Variants in DLGAP2 observed in about 807,000 individuals in gnomAD.
The protein encoded by DLGAP2 is disks large-associated protein 2.
Under a neutral mutation model 100.3 loss-of-function variants are expected in DLGAP2, and 26 were observed. The ratio of observed to expected loss-of-function variants is 0.26; its 90% CI spans 0.19 to 0.36. DLGAP2 has a LOEUF of 0.36. Among genes scored for constraint, DLGAP2 ranks in the 10% least tolerant of loss-of-function variants. The pLI, the probability that DLGAP2 is intolerant of heterozygous loss-of-function variation, is 1.00. For synonymous variants in DLGAP2, 886 were observed against 630.1 expected (o/e 1.41, Z -6.08); for missense variants, 1,858 against 1,453.2 (o/e 1.28, Z -4.53).
At chr8:1,165,948 T>G (rs1797006474) in intron 2 of DLGAP2, among the ~76,000 whole-genome samples, 1 of 152,214 alleles carries the variant, frequency 6.6e-6, no homozygotes, top group Admixed American at 6.5e-5. Context: ...CATTATCCAG[T>G]TTCTTGTAGT....
At chr8:1,609,184 C>T (rs1480268103) in intron 6 of DLGAP2, among the ~76,000 whole-genome samples, 3 of 137,342 alleles carry the variant, frequency 2.2e-5, no homozygotes, top group South Asian at 2.5e-4. Flanking sequence ...AGACTAACAG[C>T]GGATCTCTCG....
At chr8:1,443,284 C>T (rs1272453372) in intron 3 of DLGAP2, among the ~76,000 whole-genome samples, 1 of 151,596 alleles carries the variant, frequency 6.6e-6, no homozygotes, top group African/African-American at 2.4e-5. Context: ...TCCAGCCTTC[C>T]CTCCACTGCC....
chr8:1,206,139 G>T (rs979719025), intron 2 of DLGAP2, among the ~76,000 whole-genome samples: 1 of 152,206 alleles, frequency 6.6e-6, no homozygotes, highest in African/African-American at 2.4e-5. Context: ...CTGCTCGGTG[G>T]ATCACAAAGG....
At chr8:1,227,923 A>G (rs1798455048) in intron 2 of DLGAP2, among the ~76,000 whole-genome samples, 1 of 152,200 alleles carries the variant, frequency 6.6e-6, no homozygotes, top group Admixed American at 6.5e-5. Flanking sequence ...ACACACACAA[A>G]ATGGGTAACT....
At chr8:1,559,299 T>C (rs561224721) in intron 5 of DLGAP2, among the ~76,000 whole-genome samples, 1 of 152,314 alleles carries the variant, frequency 6.6e-6, no homozygotes, top group Non-Finnish European at 1.5e-5. Flanking sequence ...CATAAAGCCA[T>C]TTTGGTTTCA....
intron 3 of DLGAP2, among the ~76,000 whole-genome samples, chr8:1,293,753 C>T (rs561840051): frequency 6.6e-6 from 1 of 152,322 alleles, no homozygotes; most frequent in South Asian, 2.1e-4. Context: ...CATTTCGGAG[C>T]TGGGGCGAAG....
At chr8:1,535,005 T>G (rs886830463) in intron 4 of DLGAP2, among the ~76,000 whole-genome samples, 1 of 152,264 alleles carries the variant, frequency 6.6e-6, no homozygotes, top group African/African-American at 2.4e-5. Flanking sequence ...CGCACTGTTT[T>G]CGTGTCCCAA....
chr8:1,547,676 C>T (rs1341118896), intron 4 of DLGAP2, among the ~76,000 whole-genome samples: 1 of 152,198 alleles, frequency 6.6e-6, no homozygotes. Context: ...CTTGGTGGCT[C>T]AGTGGCCATA....
Position 1,612,490 on chromosome 8 carries a change from T to G in DLGAP2, c.1443-14250T>G, listed in dbSNP as rs1797012514. Among the ~76,000 whole-genome samples, 3 of 144,734 alleles carry G rather than the reference T, an allele frequency of 2.1e-5. No individual in the cohort carries two copies. In the South Asian group the frequency reaches 7.2e-4, roughly 35 times the overall value. 95.0% of individuals were successfully genotyped at this position (144,734 alleles called of 152,430 possible). A position where few individuals can be genotyped will look rare whatever the true frequency, so the allele number is the denominator to read the frequency against. On this transcript the variant is annotated intron_variant, in intron 6 of 14. Transcript: ENST00000637795. The stretch of plus-strand genomic sequence containing the variant: ...CAGGACATAGGCATGGGCAAGGACT[T>G]CATGTCCAGAACACCAAAAGCAATG...
intron 2 of DLGAP2, among the ~76,000 whole-genome samples, chr8:1,237,657 A>G (rs199988199): frequency 5.4e-4 from 11 of 20,262 alleles, no homozygotes; most frequent in Non-Finnish European, 1.0e-3. Flanking sequence ...TCTCACACAT[A>G]GCGTCATGTC....
At chr8:1,536,125 G>T (rs1801147017) in intron 4 of DLGAP2, among the ~76,000 whole-genome samples, 1 of 152,190 alleles carries the variant, frequency 6.6e-6, no homozygotes, top group Non-Finnish European at 1.5e-5. Context: ...GGCAGGTGGG[G>T]GCACCCTGAG....
chr8:861,088 G>A (rs1797379790), intron 1 of DLGAP2, among the ~76,000 whole-genome samples: 1 of 152,156 alleles, frequency 6.6e-6, no homozygotes, highest in African/African-American at 2.4e-5. Flanking sequence ...GAGTGGGGCA[G>A]TGAGGTGGGA....
At chr8:1,551,244 G>A (rs1801755952) in intron 5 of DLGAP2, among the ~76,000 whole-genome samples, 1 of 152,204 alleles carries the variant, frequency 6.6e-6, no homozygotes, top group African/African-American at 2.4e-5. Context: ...AAATGTAAAA[G>A]TTGTGTCTGC....
intron 2 of DLGAP2, among the ~76,000 whole-genome samples, chr8:923,146 C>T (rs551457901): frequency 2.0e-5 from 3 of 152,180 alleles, no homozygotes; most frequent in Admixed American, 6.5e-5. Context: ...ACAGGTTATC[C>T]GGGCTGTGTC....
chr8:844,548 A>T (rs886748855), intron 1 of DLGAP2, among the ~76,000 whole-genome samples: 4 of 152,154 alleles, frequency 2.6e-5, no homozygotes, highest in African/African-American at 9.7e-5. Flanking sequence ...AAGGATCAAT[A>T]AGGTAGTACT....
chr8:1,423,667 C>A (rs979811791), intron 3 of DLGAP2, among the ~76,000 whole-genome samples: 3 of 152,186 alleles, frequency 2.0e-5, no homozygotes, highest in Non-Finnish European at 2.9e-5. Context: ...TTGCTCTGTG[C>A]GTTGAGAGCC....
At chr8:1,460,239 A>T (rs942456967) in intron 3 of DLGAP2, among the ~76,000 whole-genome samples, 1 of 152,214 alleles carries the variant, frequency 6.6e-6, no homozygotes, top group East Asian at 1.9e-4. Flanking sequence ...ACTTGCTCCA[A>T]TACAACAGAG....
At chr8:1,112,836 G>T (rs1330210233) in intron 2 of DLGAP2, among the ~76,000 whole-genome samples, 3 of 152,112 alleles carry the variant, frequency 2.0e-5, no homozygotes, top group Admixed American at 1.3e-4. Context: ...TATAATTTTG[G>T]GTTTTACATT....
intron 3 of DLGAP2, among the ~76,000 whole-genome samples, chr8:1,290,714 C>T (rs897852838): frequency 6.6e-6 from 1 of 152,188 alleles, no homozygotes; most frequent in Non-Finnish European, 1.5e-5. Flanking sequence ...ACTATGTATA[C>T]ATTTTACATT....
Sources: gnomAD v4.1 joint callset for allele counts (sites outside exome capture counted in the v4.1 genomes callset) on GRCh38, gnomAD v4.1.1 for gene constraint, MANE v1.5 for transcripts, NCBI Gene and HGNC (gene_info 2026-07-23, HGNC 2026-07-21) for gene names.